PTPRD: variants seen among roughly 807,000 people sequenced by gnomAD.
PTPRD encodes the protein protein tyrosine phosphatase receptor type D.
PTPRD carries 34 observed loss-of-function variants against 214.5 expected under a neutral mutation model. The observed-to-expected ratio is 0.16, with a 90% CI of 0.12 to 0.21. The LOEUF (loss-of-function observed/expected upper bound fraction) is 0.21. Among genes scored for constraint, PTPRD ranks in the 10% least tolerant of loss-of-function variants. The pLI is 1.00. For missense variants in PTPRD, 2,545 were observed against 2,398.7 expected, an observed-to-expected ratio of 1.06 and a Z score of -1.27; for synonymous variants, 1,128 against 845.7, an observed-to-expected ratio of 1.33 and a Z score of -5.79.
intron 6 of PTPRD, among the ~76,000 whole-genome samples, chr9:9,746,336 T>C (rs1480558538): frequency 6.6e-6 from 1 of 152,044 alleles, no homozygotes; most frequent in Non-Finnish European, 1.5e-5. Flanking sequence ...GCCCAATAAA[T>C]ATAACCAAAG....
At chr9:10,233,565 GT>G (rs1456175842) in intron 3 of PTPRD, among the ~76,000 whole-genome samples, 1 of 151,836 alleles carries the variant, frequency 6.6e-6, no homozygotes, top group East Asian at 1.9e-4. Context: ...AGAAAGCCAA[GT>G]TATGAGCAAT....
At chr9:10,468,722 C>T (rs1016393016) in intron 2 of PTPRD, among the ~76,000 whole-genome samples, 2 of 152,038 alleles carry the variant, frequency 1.3e-5, no homozygotes, top group Admixed American at 6.6e-5. Context: ...GAGAGGATGT[C>T]TTTCCTCTCA....
chr9:8,658,542 G>A (rs894700715), intron 12 of PTPRD, among the ~76,000 whole-genome samples: 3 of 151,952 alleles, frequency 2.0e-5, no homozygotes, highest in Admixed American at 6.6e-5. Flanking sequence ...TTTAAAAAAT[G>A]ATTTCAGTAT....
chr9:9,739,029 A>G (rs1013446145), intron 6 of PTPRD, among the ~76,000 whole-genome samples: 2 of 152,212 alleles, frequency 1.3e-5, no homozygotes, highest in African/African-American at 4.8e-5. Flanking sequence ...AAAAAATCAT[A>G]TATTAAAATT....
intron 3 of PTPRD, among the ~76,000 whole-genome samples, chr9:10,323,083 A>T (rs903541246): frequency 6.6e-6 from 1 of 152,064 alleles, no homozygotes; most frequent in African/African-American, 2.4e-5. Flanking sequence ...TTCAAAATAC[A>T]TTTAAAGAGG....
intron 36 of PTPRD, among the ~76,000 whole-genome samples, chr9:8,393,900 T>C (rs894286080): frequency 4.6e-5 from 7 of 152,138 alleles, no homozygotes; most frequent in Non-Finnish European, 8.8e-5. Flanking sequence ...ACATGCTTTA[T>C]ACTGGGTCTT....
chr9:10,449,213 T>A (rs1023446838), intron 2 of PTPRD, among the ~76,000 whole-genome samples: 2 of 151,952 alleles, frequency 1.3e-5, no homozygotes, highest in African/African-American at 2.4e-5. Flanking sequence ...CTGGTTTTTG[T>A]ATTTTTTGGT....
chr9:9,207,268 A>G (rs1455024742), intron 9 of PTPRD, among the ~76,000 whole-genome samples: 1 of 152,186 alleles, frequency 6.6e-6, no homozygotes, highest in Non-Finnish European at 1.5e-5. Flanking sequence ...ATTATTAGAT[A>G]TTTAATAGAC....
intron 7 of PTPRD, among the ~76,000 whole-genome samples, chr9:9,582,880 TA>T (rs1271031381): frequency 1.3e-5 from 2 of 152,032 alleles, no homozygotes; most frequent in African/African-American, 4.8e-5. Flanking sequence ...GGAAAGAAGA[TA>T]AAGTCTATTC....
At chr9:8,769,547 C>T (rs2095038284) in intron 11 of PTPRD, among the ~76,000 whole-genome samples, 1 of 151,986 alleles carries the variant, frequency 6.6e-6, no homozygotes, top group African/African-American at 2.4e-5. Flanking sequence ...GGAAAACTGC[C>T]AAAAACTTAA....
intron 7 of PTPRD, among the ~76,000 whole-genome samples, chr9:9,617,781 T>C (rs1247100599): frequency 6.6e-6 from 1 of 151,710 alleles, no homozygotes; most frequent in Non-Finnish European, 1.5e-5. Context: ...TTTTAAGAAA[T>C]ATGATTTTGG....
At chr9:10,525,953 T>G (rs1437998966) in intron 2 of PTPRD, among the ~76,000 whole-genome samples, 2 of 152,072 alleles carry the variant, frequency 1.3e-5, no homozygotes, top group African/African-American at 4.8e-5. Context: ...CCTCATGCGG[T>G]TATTTACATT....
At chr9:8,743,963 A>C (rs1417388813) in intron 11 of PTPRD, among the ~76,000 whole-genome samples, 1 of 151,954 alleles carries the variant, frequency 6.6e-6, no homozygotes, top group Non-Finnish European at 1.5e-5. Flanking sequence ...TCACATCCAA[A>C]AGTGGGCTAA....
chr9:8,772,612 C>T (rs1230509104), intron 11 of PTPRD, among the ~76,000 whole-genome samples: 2 of 152,068 alleles, frequency 1.3e-5, no homozygotes, highest in Non-Finnish European at 2.9e-5. Flanking sequence ...CACTGCAATC[C>T]AGCCTGGGCA....
intron 11 of PTPRD, among the ~76,000 whole-genome samples, chr9:8,793,659 A>G (rs2096307901): frequency 6.6e-6 from 1 of 152,230 alleles, no homozygotes; most frequent in African/African-American, 2.4e-5. Flanking sequence ...TTTTGTTTGC[A>G]GAGGTTTGCC....
chr9:10,109,422 C>T (rs1176839646), intron 3 of PTPRD, among the ~76,000 whole-genome samples: 2 of 152,238 alleles, frequency 1.3e-5, no homozygotes, highest in East Asian at 3.9e-4. Context: ...AAAATAAAAT[C>T]GCATGTACTA....
At chr9:9,456,475 T>C (rs2093017940) in intron 8 of PTPRD, among the ~76,000 whole-genome samples, 1 of 151,884 alleles carries the variant, frequency 6.6e-6, no homozygotes, top group Non-Finnish European at 1.5e-5. Flanking sequence ...CTTTTATTCA[T>C]GGCTTCCCTG....
At chr9:9,148,527 AC>A (rs1411589799) in intron 10 of PTPRD, among the ~76,000 whole-genome samples, 2 of 152,054 alleles carry the variant, frequency 1.3e-5, no homozygotes, top group East Asian at 1.9e-4. Flanking sequence ...CCAAGTACTC[AC>A]CCCCATATGG....
At chr9:10,160,514 A>G (rs903633626) in intron 3 of PTPRD, among the ~76,000 whole-genome samples, 42 of 151,982 alleles carry the variant, frequency 2.8e-4, no homozygotes, top group African/African-American at 1.0e-3. Flanking sequence ...AAAAGCATTC[A>G]ATACAATATA....
Sources: gnomAD v4.1 joint callset for allele counts (sites outside exome capture counted in the v4.1 genomes callset) on GRCh38, gnomAD v4.1.1 for gene constraint, MANE v1.5 for transcripts, NCBI Gene and HGNC (gene_info 2026-07-23, HGNC 2026-07-21) for gene names.